SH3BP2: variants seen among roughly 807,000 people sequenced by gnomAD.
SH3BP2 encodes the protein SH3 domain-binding protein 2.
Under a neutral mutation model 56.2 loss-of-function variants are expected in SH3BP2, and 38 were observed. That is an observed-to-expected ratio of 0.68 (90% CI 0.52 to 0.89). SH3BP2 has a LOEUF of 0.89. Among genes scored for constraint, SH3BP2 ranks in the 40% least tolerant of loss-of-function variants. The pLI is 0.00. For missense variants in SH3BP2, 748 were observed against 762.6 expected (o/e 0.98, Z 0.23); for synonymous variants, 346 against 316.7 (o/e 1.09, Z -0.98).
In SH3BP2 at chr4:2,831,230, G is replaced by C. The variant is rs1372066496; in HGVS notation, c.1242-341G>C. Among the ~76,000 whole-genome samples the C allele has an allele frequency of 3.9e-5, 6 of 152,216 alleles. No individual in the cohort carries two copies. The highest frequency in any genetic ancestry group is 7.3e-5 in the Non-Finnish European group (5 of 68,036). ...CACGTCCACTCCCCTGTGGCTCTGA[G>C]TGGGCTGTGATTTGGCCATGACCGG... On this transcript the variant is annotated intron_variant, in intron 8 of 12. Coordinates refer to ENST00000503393, the MANE Select transcript of SH3BP2 (RefSeq NM_001122681.2). This position sits in a 1 kb window ranked among gnomAD's most constrained non-coding sequence, Gnocchi z 4.1.
In SH3BP2 at chr4:2,834,024, C is replaced by A. The variant is rs995239959; in HGVS notation, c.*190C>A. 3 of 659,736 alleles carry A rather than the reference C, an allele frequency of 4.5e-6. No individual in the cohort carries two copies. Among genetic ancestry groups the A allele is most frequent in the Non-Finnish European group, 7.6e-6 (3 of 393,516 alleles). 40.9% of individuals were successfully genotyped at this position (659,736 alleles called of 1,614,324 possible). A position where few individuals can be genotyped will look rare whatever the true frequency, so the allele number is the denominator to read the frequency against. On this transcript the variant is annotated 3_prime_UTR_variant, in exon 13 of 13. Coordinates refer to ENST00000503393, the MANE Select transcript of SH3BP2 (RefSeq NM_001122681.2). ...GGTTGGGTTCTAGGGCTGAACCAGG[C>A]GCCAGGCTCCAGAGGACGAAGGGAC...
intron 1 of SH3BP2, among the ~76,000 whole-genome samples, chr4:2,806,036 C>T (rs918336769): frequency 6.6e-6 from 1 of 152,240 alleles, no homozygotes; most frequent in Non-Finnish European, 1.5e-5. Flanking sequence ...AGAGCAAGCC[C>T]AGCAGCCAGC....
chr4:2,821,009 G>T (rs142446727), intron 2 of SH3BP2, among the ~76,000 whole-genome samples: 1 of 152,164 alleles, frequency 6.6e-6, no homozygotes, highest in Non-Finnish European at 1.5e-5. Flanking sequence ...CCAGGACCTG[G>T]GGACCACAGG....
chr4:2,833,634 CTG>C, intron 12 of SH3BP2, 61 bp from the exon 13 acceptor site: 1 of 1,566,298 alleles, frequency 6.4e-7, no homozygotes, highest in Non-Finnish European at 8.7e-7. Flanking sequence ...GACGGGGAGA[CTG>C]AGGCCTAGAG....
At chr4:2,815,522 A>G (rs959676637) in intron 1 of SH3BP2, among the ~76,000 whole-genome samples, 1 of 152,232 alleles carries the variant, frequency 6.6e-6, no homozygotes, top group African/African-American at 2.4e-5. Context: ...AGCTGGACCC[A>G]TGTAGGACTG....
Position 2,829,095 on chromosome 4 carries a change from G to T in SH3BP2, c.587-398G>T, listed in dbSNP as rs1445541602. On this transcript the variant is annotated intron_variant, in intron 7 of 12. Coordinates refer to ENST00000503393, the MANE Select transcript of SH3BP2 (RefSeq NM_001122681.2). The surrounding 1 kb of genome is among the most constrained non-coding windows in gnomAD (Gnocchi z 4.9). The stretch of plus-strand genomic sequence containing the variant: ...CTGGATATGTTCTGAGCAAACACGG[G>T]CCTTCACCTTCCTCCCAGCTGCTCC... Among the ~76,000 whole-genome samples, 1 of 152,126 alleles carries T rather than the reference G, an allele frequency of 6.6e-6. No individual in the cohort carries two copies. Among genetic ancestry groups the T allele is most frequent in the Non-Finnish European group, 1.5e-5 (1 of 68,022 alleles).
chr4:2,832,001 G>T (rs552465082), intron 10 of SH3BP2, 23 bp downstream of exon 10: 3 of 1,611,710 alleles, frequency 1.9e-6, no homozygotes, highest in Admixed American at 1.7e-5. Context: ...CCCTGTGTGT[G>T]CTGGGTCCTC....
At chr4:2,830,506 C>T (rs564001447) in intron 8 of SH3BP2, among the ~76,000 whole-genome samples, 17 of 152,304 alleles carry the variant, frequency 1.1e-4, no homozygotes, top group African/African-American at 3.6e-4. Flanking sequence ...GGACTACAGG[C>T]ACCTGCCAAC....
At chr4:2,809,865 C>T in intron 1 of SH3BP2, 3 of 975,156 alleles carry the variant, frequency 3.1e-6, no homozygotes, top group Non-Finnish European at 3.7e-6. Context: ...GGGAAGTCCC[C>T]AAGCCTGGCA....
Position 2,793,109 on chromosome 4 carries a change from G to A in SH3BP2, c.-34G>A, listed in dbSNP as rs1577328513. The A allele has an allele frequency of 6.6e-6, 1 of 150,650 alleles. No individual in the cohort carries two copies. The highest frequency in any genetic ancestry group is 2.0e-4 in the East Asian group (1 of 5,112). The allele number at this position is 150,650 out of a possible 1,614,324, so 9.3% of individuals were successfully genotyped here. ...CGAGTCAAGCCGCCGCCTCGACCCA[G>A]GGCCCGCGGGCCAGGAGAGCGCTCG... On this transcript the variant is annotated 5_prime_UTR_variant, in exon 1 of 13. Transcript: ENST00000503393.
chr4:2,832,052 C>G (rs559043086), intron 10 of SH3BP2, 74 bp downstream of exon 10: 8 of 1,498,984 alleles, frequency 5.3e-6, no homozygotes, highest in Middle Eastern at 1.7e-4. Context: ...CTCTCACTAG[C>G]TTCCGTGTTG....
chr4:2,826,491 T>C (rs1454817243), intron 5 of SH3BP2: 5 of 245,434 alleles, frequency 2.0e-5, no homozygotes, highest in Non-Finnish European at 3.2e-5. Context: ...TGTTTGTGTG[T>C]GCATGTCTGC....
rs758515978 is a variant in SH3BP2 at position 2,832,387 on chromosome 4, G to A, written c.1463G>A (p.Arg488Gln). 9 of 1,613,976 alleles carry A rather than the reference G, an allele frequency of 5.6e-6. No homozygotes were observed. The highest frequency in any genetic ancestry group is 3.3e-5 in the Admixed American group (2 of 60,008). ...CCCCAGGATGGACTCTACTGCATCC[G>A]GAACTCCTCTACCAAGTCGGGGAAG... Reference protein sequence around the residue: ...GEPQDGLYCIRNSSTKSGKVL... With the variant: ...GEPQDGLYCIQNSSTKSGKVL... Residue 488 changes from arginine (R) to glutamine (Q), a missense_variant, in exon 11 of 13, where the codon CGG (arginine) becomes CAG (glutamine). Arg to Gln is a conservative substitution (Grantham distance 43, BLOSUM62 1). This residue lies in a region of SH3BP2 where 635 missense variants were observed against 615.0 expected (regional missense o/e 1.03). Coordinates refer to ENST00000503393, the MANE Select transcript of SH3BP2 (RefSeq NM_001122681.2).
intron 1 of SH3BP2, among the ~76,000 whole-genome samples, chr4:2,798,224 T>G (rs1368891520): frequency 2.0e-5 from 3 of 152,152 alleles, no homozygotes; most frequent in African/African-American, 7.2e-5. Context: ...CCCTGTCCTC[T>G]CCCTGAACGA....
chr4:2,804,103 C>T (rs1374403971), intron 1 of SH3BP2, among the ~76,000 whole-genome samples: 1 of 152,174 alleles, frequency 6.6e-6, no homozygotes. Context: ...GGCTACCTTC[C>T]ACCATTCCCT....
At position 2,810,241 on chromosome 4, in the gene SH3BP2, G is replaced by A. The variant is rs1723689765; in HGVS notation, c.-4-10373G>A. On this transcript the variant is annotated intron_variant, in intron 1 of 12. Transcript: ENST00000503393. The surrounding 1 kb of genome is among the most constrained non-coding windows in gnomAD (Gnocchi z 4.2). Reference sequence around the variant, plus strand: ...TTCCCTCTGGGAAGATAGGGTTGGGGAAGGGGCTGGTGTGGATTTGTCCCC... The same window carrying A: ...TTCCCTCTGGGAAGATAGGGTTGGGAAAGGGGCTGGTGTGGATTTGTCCCC... Among the ~76,000 whole-genome samples, 1 of 151,978 alleles carries A rather than the reference G, an allele frequency of 6.6e-6. No homozygotes were observed.
At position 2,833,793 on chromosome 4, in the gene SH3BP2, C is replaced by A; in HGVS notation, c.1645C>A (p.Leu549Met). ...CCACGTGCTGCCCAGCCACCAGAGCCTGCTGCTGCGGCACCCCTACGGCTA... is the reference window on the plus strand; with the variant it reads ...CCACGTGCTGCCCAGCCACCAGAGCATGCTGCTGCGGCACCCCTACGGCTA... ...HTHVLPSHQS[L>M]LLRHPYGYTG... Residue 549 changes from leucine to methionine, a missense_variant, in exon 13 of 13, where the codon CTG becomes ATG. By Grantham distance (15) the Leu-to-Met change is conservative (BLOSUM62 2). This residue lies in a region of SH3BP2 where 635 missense variants were observed against 615.0 expected (regional missense o/e 1.03). Transcript: ENST00000503393. 6.3e-7 allele frequency: 1 copy of A among 1,594,724 alleles called. No individual in the cohort carries two copies. The highest frequency in any genetic ancestry group is 8.5e-7 in the Non-Finnish European group (1 of 1,170,446).
chr4:2,815,639 C>T (rs1723960526), intron 1 of SH3BP2, among the ~76,000 whole-genome samples: 1 of 152,248 alleles, frequency 6.6e-6, no homozygotes, highest in African/African-American at 2.4e-5. Context: ...CTTTGACACA[C>T]AGGCCAGGTC....
Position 2,838,641 on chromosome 4 carries a change from A to ATTTTTT in SH3BP2, c.*4813_*4818dup, listed in dbSNP as rs397878760. On this transcript the variant is annotated 3_prime_UTR_variant, in exon 13 of 13. Coordinates refer to ENST00000503393, the MANE Select transcript of SH3BP2 (RefSeq NM_001122681.2). Reference sequence around the variant, plus strand: ...AACATTATAAAGATTTTTGTTTGCGATTTTTTTTTTTAGCTCATCAGCTAT... The same window carrying ATTTTTT: ...AACATTATAAAGATTTTTGTTTGCGATTTTTTTTTTTTTTTTTAGCTCATCAGCTAT... 1 of 148,868 alleles carries ATTTTTT rather than the reference A, an allele frequency of 6.7e-6. No individual in the cohort carries two copies. Among genetic ancestry groups the ATTTTTT allele is most frequent in the African/African-American group, 2.5e-5 (1 of 40,054 alleles). The allele number at this position is 148,868 out of a possible 1,614,324, so 9.2% of individuals were successfully genotyped here.
Sources: allele counts gnomAD v4.1 joint callset (sites outside exome capture counted in the v4.1 genomes callset), GRCh38; gene constraint gnomAD v4.1.1; regional missense constraint gnomAD v4.1.1; non-coding constraint Gnocchi (gnomAD v3.1); transcripts MANE v1.5; gene names NCBI Gene and HGNC (gene_info 2026-07-23, HGNC 2026-07-21).